The following MUC6 variants were observed in gnomAD, a reference collection of about 807,000 sequenced individuals.
MUC6 encodes the protein mucin 6, oligomeric mucus/gel-forming (gene/pseudogene).
Under a neutral mutation model 201.5 loss-of-function variants are expected in MUC6, and 188 were observed. That is an observed-to-expected ratio of 0.93 (90% confidence interval 0.83 to 1.05). MUC6 has a LOEUF of 1.05. MUC6 is among the 50% of genes least tolerant of loss of function. MUC6 has a pLI of 0.00. For missense variants in MUC6, 2,706 were observed against 3,256.9 expected (o/e 0.83, Z 4.12); for synonymous variants, 1,228 against 1,389.4 (o/e 0.88, Z 2.58).
intron 6 of MUC6, 47 bp downstream of exon 6, chr11:1,030,900 A>T (rs1187309023): frequency 2.6e-6 from 4 of 1,537,860 alleles, no homozygotes; most frequent in Non-Finnish European, 3.5e-6. Context: ...GGTCTCGGCG[A>T]CCCTGTCAGA....
In MUC6 at chr11:1,028,777, A is replaced by T; in HGVS notation, c.1460T>A (p.Ile487Asn). ...AKWLPYKTRN[I>N]TVFRQTSTHL... ...GGTGGACGTCTGCCTGAAGACCGTGATGTTGCCTGCAGGACGCAGTGCTCA... is the reference window on the plus strand; with the variant it reads ...GGTGGACGTCTGCCTGAAGACCGTGTTGTTGCCTGCAGGACGCAGTGCTCA... The change falls in exon 13 of 33, where the codon ATC (isoleucine) becomes AAC (asparagine). Residue 487 changes from isoleucine (I) to asparagine (N), a missense_variant. By Grantham distance (149) the Ile-to-Asn change is moderately radical. This residue lies in a region of MUC6 where 1,850 missense variants were observed against 1,958.3 expected (regional missense o/e 0.94). Transcript: ENST00000421673. 1 of 1,610,950 alleles carries T rather than the reference A, an allele frequency of 6.2e-7. No homozygotes were observed. The highest frequency in any genetic ancestry group is 1.1e-5 in the South Asian group (1 of 91,054).
In MUC6 at chr11:1,017,615, G is replaced by A; in HGVS notation, c.5186C>T (p.Thr1729Ile). Residue 1729 changes from threonine (T) to isoleucine (I), a missense_variant, in exon 31 of 33, where the codon ACC becomes ATC. Transcript: ENST00000421673. The part of the protein sequence containing the change: ...TSTGTPPMTV[T>I]TSGTSQSRSS... ...TCGGGATTGGCTGGTCCCACTGGTG[G>A]TCACTGTCATTGGTGGGGTTCCTGT... 1.1e-6 allele frequency: 1 copy of A among 877,026 alleles called. No individual in the cohort carries two copies. Among genetic ancestry groups the A allele is most frequent in the Non-Finnish European group, 1.5e-6 (1 of 651,996 alleles). 54.3% of individuals were successfully genotyped at this position (877,026 alleles called of 1,614,324 possible).
intron 2 of MUC6, among the ~76,000 whole-genome samples, chr11:1,032,580 G>A (rs1185142782): frequency 1.4e-5 from 2 of 145,624 alleles, no homozygotes; most frequent in African/African-American, 5.6e-5. Context: ...TGTGTAGGGT[G>A]TGTGTGTGTT....
rs1230272516 is a variant in MUC6 at position 1,024,977 on chromosome 11, C to T, written c.3092G>A (p.Trp1031Ter). 6.2e-7 allele frequency: 1 copy of T among 1,613,058 alleles called. No individual in the cohort carries two copies. Among genetic ancestry groups the T allele is most frequent in the African/African-American group, 1.3e-5 (1 of 74,962 alleles). Reference sequence around the variant, plus strand: ...GTCCCCGCACAGCGGGCTCTCCTTCCACGAGTTCACCAACTCCAGCTCGCT... The same window carrying T: ...GTCCCCGCACAGCGGGCTCTCCTTCTACGAGTTCACCAACTCCAGCTCGCT... ...ASSELELVNS[W>*]KESPLCGDVS... The change falls in exon 24 of 33, where the codon TGG becomes TAG. Residue 1031 changes from tryptophan (W) to a stop codon, truncating the protein, a stop_gained. Coordinates refer to ENST00000421673, the MANE Select transcript of MUC6 (RefSeq NM_005961.3). LOFTEE classifies it high-confidence loss of function.
chr11:1,030,497 G>A, intron 7 of MUC6, 76 bp downstream of exon 7: 1 of 1,446,472 alleles, frequency 6.9e-7, no homozygotes, highest in Non-Finnish European at 9.2e-7. Flanking sequence ...GTCACGTCAG[G>A]CAGTCCAGGG....
chr11:1,032,483 C>T (rs983254093), intron 2 of MUC6, among the ~76,000 whole-genome samples: 1 of 146,856 alleles, frequency 6.8e-6, no homozygotes, highest in Non-Finnish European at 1.5e-5. Flanking sequence ...GCATGTGTGT[C>T]GAGTGCATGT....
rs1309851374 is a variant in MUC6, at chr11:1,027,194, C to T, written c.2232-1G>A. On this transcript the variant is annotated splice_acceptor_variant, in intron 17 of 32. Coordinates refer to ENST00000421673, the MANE Select transcript of MUC6 (RefSeq NM_005961.3). LOFTEE classifies it high-confidence loss of function. ...ACTCAGCCGCCCGTTGATGCAGTGGCTGCAAGAGAGAGGCTGCGTGAGACC... is the reference window on the plus strand; with the variant it reads ...ACTCAGCCGCCCGTTGATGCAGTGGTTGCAAGAGAGAGGCTGCGTGAGACC... The T allele has an allele frequency of 6.2e-7, 1 of 1,612,280 alleles. No homozygotes were observed. Among genetic ancestry groups the T allele is most frequent in the Admixed American group, 1.7e-5 (1 of 59,996 alleles).
chr11:1,021,228 C>A lies in MUC6; in HGVS notation c.3576G>T (p.Val1192=). The change falls in exon 27 of 33, where the codon GTG becomes GTT. Residue 1192 remains valine, a synonymous_variant. Transcript: ENST00000421673. ...QDEYFDHEEG[V]CVPCMPPTTP... ...GACTGGACTTACTGCAGGGCACGCA[C>A]ACCCCCTCCTCGTGGTCGAAGTACT... 2 of 1,590,844 alleles carry A rather than the reference C, an allele frequency of 1.3e-6. No individual in the cohort carries two copies. Among genetic ancestry groups the A allele is most frequent in the East Asian group, 2.3e-5 (1 of 43,092 alleles).
chr11:1,019,626 T>A, intron 29 of MUC6, 130 bp from the exon 30 acceptor site: 1 of 827,840 alleles, frequency 1.2e-6, no homozygotes, highest in Non-Finnish European at 2.0e-6. Flanking sequence ...TTGGAGGGGC[T>A]CTTCCTCTTG....
At chr11:1,030,522 G>A in intron 7 of MUC6, 51 bp downstream of exon 7, 1 of 1,463,818 alleles carries the variant, frequency 6.8e-7, no homozygotes. Context: ...GGAGAGCTGG[G>A]TCTGGAGCCC....
rs1856798844 is a variant in MUC6 at position 1,021,235 on chromosome 11, T to A, written c.3569A>T (p.Glu1190Val). 6.3e-7 allele frequency: 1 copy of A among 1,591,114 alleles called. No homozygotes were observed. The highest frequency in any genetic ancestry group is 1.8e-5 in the Admixed American group (1 of 56,600). ...CTTACTGCAGGGCACGCACACCCCC[T>A]CCTCGTGGTCGAAGTACTCATCCTG... ...CSQDEYFDHE[E>V]GVCVPCMPPT... The change falls in exon 27 of 33, where the codon GAG becomes GTG. Residue 1190 changes from glutamate to valine, a missense_variant. Transcript: ENST00000421673.
Position 1,029,514 on chromosome 11 carries a change from T to C in MUC6, c.1117A>G (p.Ile373Val), listed in dbSNP as rs763730869. 2.5e-6 allele frequency: 4 copies of C among 1,612,426 alleles called. No homozygotes were observed. The highest frequency in any genetic ancestry group is 4.5e-5 in the East Asian group (2 of 44,860). The change falls in exon 9 of 33, where the codon ATA becomes GTA. Residue 373 changes from isoleucine to valine, a missense_variant. Around this residue, in one of 10 missense-constraint regions of MUC6, gnomAD observed 1,850 missense variants for 1,958.3 expected, o/e 0.94. Transcript: ENST00000421673. ...ACTCACCAGGTTTGGCAGGCAGCTA[T>C]TGTGACCTCCCCGGGGGCATACATG... ...GAMYAPGEVTIAACQTCRCTL... is the reference protein window; with the variant it reads ...GAMYAPGEVTVAACQTCRCTL...
chr11:1,034,770 G>T (rs774091987), intron 1 of MUC6, among the ~76,000 whole-genome samples: 20 of 152,302 alleles, frequency 1.3e-4, no homozygotes, highest in Admixed American at 3.9e-4. Flanking sequence ...CTGTGTTTCG[G>T]TGCCCTCAGC....
chr11:1,025,136 C>G, intron 23 of MUC6, 46 bp downstream of exon 23: 1 of 1,610,844 alleles, frequency 6.2e-7, no homozygotes, highest in Non-Finnish European at 8.5e-7. Context: ...CTGTCTCCAC[C>G]CCTGCATCAG....
rs148468620 is a variant in MUC6 at position 1,021,123 on chromosome 11, G to A, written c.3589+92C>T. On this transcript the variant is annotated intron_variant, in intron 27 of 32. Coordinates refer to ENST00000421673, the MANE Select transcript of MUC6 (RefSeq NM_005961.3). Reference sequence around the variant, plus strand: ...GCTCACGTAAGGGCTCACAGCCCCCGAGGGCTCTCTCCCTTGTTTGTGGGA... The same window carrying A: ...GCTCACGTAAGGGCTCACAGCCCCCAAGGGCTCTCTCCCTTGTTTGTGGGA... 1,198 of 1,273,546 alleles carry A rather than the reference G, an allele frequency of 9.4e-4. 2 individuals are homozygous for A. Among genetic ancestry groups the A allele is most frequent in the Non-Finnish European group, 1.2e-3 (1,107 of 946,178 alleles). 78.9% of individuals were successfully genotyped at this position (1,273,546 alleles called of 1,614,324 possible). A position where few individuals can be genotyped will look rare whatever the true frequency, so the allele number is the denominator to read the frequency against.
At chr11:1,028,416 G>A in intron 13 of MUC6, 29 bp from the exon 14 acceptor site, 1 of 1,606,916 alleles carries the variant, frequency 6.2e-7, no homozygotes. Flanking sequence ...AGCTCGACTT[G>A]AACCCATCCC....
At position 1,027,140 on chromosome 11, in the gene MUC6, C is replaced by T. The variant is rs1286439858; in HGVS notation, c.2284+1G>A. On this transcript the variant is annotated splice_donor_variant, in intron 18 of 32. Coordinates refer to ENST00000421673, the MANE Select transcript of MUC6 (RefSeq NM_005961.3). LOFTEE classifies it high-confidence loss of function. ...CCTGCGGCCAGCGCTGCTGTACGTACCCAGGAACATCTGTGGCCGCTGCGG... is the reference window on the plus strand; with the variant it reads ...CCTGCGGCCAGCGCTGCTGTACGTATCCAGGAACATCTGTGGCCGCTGCGG... 1.2e-6 allele frequency: 2 copies of T among 1,612,350 alleles called. No individual in the cohort carries two copies. The highest frequency in any genetic ancestry group is 2.2e-5 in the East Asian group (1 of 44,870).
chr11:1,034,425 A>T (rs571326999), intron 1 of MUC6, among the ~76,000 whole-genome samples: 1 of 152,284 alleles, frequency 6.6e-6, no homozygotes, highest in Admixed American at 6.5e-5. Context: ...GGGTCCCAGT[A>T]GGTGTCATGG....
rs1398869832 is a variant in MUC6, at chr11:1,025,862, G to T, written c.2742C>A (p.Asn914Lys). ...SQPTFKILTE[N>K]VICGNSGVTC... ...TGACCCCGGAGTTCCCACAGATGAC[G>T]TTCTCTGTCAGGATCTTGAAGGTGG... Residue 914 changes from asparagine (N) to lysine (K), a missense_variant, in exon 22 of 33, where the codon AAC (asparagine) becomes AAA (lysine). Transcript: ENST00000421673. The T allele has an allele frequency of 5.6e-6, 9 of 1,612,894 alleles. No homozygotes were observed. In the South Asian group the frequency reaches 8.8e-5, roughly 16 times the overall value.
Sources: allele counts gnomAD v4.1 joint callset (sites outside exome capture counted in the v4.1 genomes callset), GRCh38; gene constraint gnomAD v4.1.1; regional missense constraint gnomAD v4.1.1; transcripts MANE v1.5; gene names NCBI Gene and HGNC (gene_info 2026-07-23, HGNC 2026-07-21).